ALX1: variants seen among roughly 807,000 people sequenced by gnomAD.
ALX1 encodes ALX homeobox 1.
ALX1 carries 19 observed loss-of-function variants against 31.7 expected under a neutral mutation model. The ratio of observed to expected loss-of-function variants is 0.60; its 90% CI spans 0.42 to 0.88. The LOEUF (loss-of-function observed/expected upper bound fraction) is 0.88, where lower values mean the gene tolerates loss of function less well. Among genes scored for constraint, ALX1 ranks in the 40% least tolerant of loss-of-function variants. ALX1 has a pLI of 0.00. For synonymous variants in ALX1, 153 were observed against 148.8 expected (o/e 1.03, Z -0.20); for missense variants, 415 against 407.8 (o/e 1.02, Z -0.15).
chr12:85,297,004 C>T (rs1319056176), intron 3 of ALX1, among the ~76,000 whole-genome samples: 16 of 151,406 alleles, frequency 1.1e-4, no homozygotes, highest in Admixed American at 1.1e-3. Context: ...TCCCAGTTGA[C>T]AAAAAAGTAA....
intron 3 of ALX1, among the ~76,000 whole-genome samples, chr12:85,300,499 GT>G (rs1896949030): frequency 6.6e-6 from 1 of 151,958 alleles, no homozygotes; most frequent in Non-Finnish European, 1.5e-5. Context: ...CATGTCACAT[GT>G]CTGTTTCAAA....
intron 1 of ALX1, among the ~76,000 whole-genome samples, chr12:85,281,488 TACA>T: frequency 6.6e-6 from 1 of 152,314 alleles, no homozygotes. Context: ...GTGAAATATT[TACA>T]ACAAGCCCCC....
intron 1 of ALX1, among the ~76,000 whole-genome samples, chr12:85,282,684 C>T (rs1896692392): frequency 6.6e-6 from 1 of 152,046 alleles, no homozygotes; most frequent in East Asian, 1.9e-4. Context: ...TGTTTTATAT[C>T]ACACTGCAAG....
At position 85,283,628 on chromosome 12, in the gene ALX1, G is replaced by A. The variant is rs1896708697; in HGVS notation, c.283G>A (p.Ala95Thr). Residue 95 changes from alanine to threonine, a missense_variant, in exon 2 of 4, where the codon GCT becomes ACT. Coordinates refer to ENST00000316824, the MANE Select transcript of ALX1 (RefSeq NM_006982.3). ...GQPLHTELNR[A>T]MDNCNSLRMS... ...GCCCCTTCACACCGAACTGAATAGA[G>A]CTATGGACAACTGTAACAGTCTCCG... 6.2e-7 allele frequency: 1 copy of A among 1,614,016 alleles called. No homozygotes were observed. The highest frequency in any genetic ancestry group is 1.7e-5 in the Admixed American group (1 of 59,992).
chr12:85,288,082 T>A (rs2137381711), intron 3 of ALX1, among the ~76,000 whole-genome samples: 1 of 151,586 alleles, frequency 6.6e-6, no homozygotes, highest in South Asian at 2.1e-4. Flanking sequence ...CCCCCAAATT[T>A]ATTAATATAA....
intron 3 of ALX1, among the ~76,000 whole-genome samples, chr12:85,299,952 T>G (rs1210423361): frequency 6.6e-6 from 1 of 152,010 alleles, no homozygotes; most frequent in African/African-American, 2.4e-5. Flanking sequence ...GATTAACATG[T>G]GTATTGCTGC....
chr12:85,291,366 C>A (rs1018935177), intron 3 of ALX1, among the ~76,000 whole-genome samples: 7 of 151,118 alleles, frequency 4.6e-5, no homozygotes, highest in Non-Finnish European at 8.9e-5. Flanking sequence ...CTTCTTGGTG[C>A]AAACTAGGCC....
intron 2 of ALX1, 30 bp from the exon 3 acceptor site, chr12:85,286,823 C>T (rs900348786): frequency 2.0e-6 from 3 of 1,527,508 alleles, no homozygotes; most frequent in Non-Finnish European, 1.8e-6. Context: ...TATTCCTTAG[C>T]TAAAATTCTA....
chr12:85,295,251 T>A lies in ALX1; in HGVS notation c.661-5904T>A, dbSNP rs1002029671. On this transcript the variant is annotated intron_variant, in intron 3 of 3. Coordinates refer to ENST00000316824, the MANE Select transcript of ALX1 (RefSeq NM_006982.3). ...TTTCTCCCTGCCAGCAACTTACTGATGTAGTAAATAGAAAAGTTAATGGGA... is the reference window on the plus strand; with the variant it reads ...TTTCTCCCTGCCAGCAACTTACTGAAGTAGTAAATAGAAAAGTTAATGGGA... Among the ~76,000 whole-genome samples the A allele has an allele frequency of 3.3e-4, 50 of 151,448 alleles. 1 individual carries two copies. Among genetic ancestry groups the A allele is most frequent in the Admixed American group, 6.6e-5 (1 of 15,100 alleles).
chr12:85,297,956 T>C (rs1462445622), intron 3 of ALX1, among the ~76,000 whole-genome samples: 1 of 151,672 alleles, frequency 6.6e-6, no homozygotes, highest in Non-Finnish European at 1.5e-5. Context: ...AAAATTTTGA[T>C]TATATCTGCA....
At chr12:85,291,847 A>G (rs957214008) in intron 3 of ALX1, among the ~76,000 whole-genome samples, 1 of 151,078 alleles carries the variant, frequency 6.6e-6, no homozygotes, top group African/African-American at 2.4e-5. Context: ...GAAGAGGGCC[A>G]GGGGTTAACA....
chr12:85,300,095 T>A (rs1010950548), intron 3 of ALX1, among the ~76,000 whole-genome samples: 4 of 152,112 alleles, frequency 2.6e-5, no homozygotes, highest in African/African-American at 9.6e-5. Context: ...GCTCCTGCCA[T>A]TTGTCATGAT....
intron 2 of ALX1, among the ~76,000 whole-genome samples, chr12:85,284,756 G>A (rs1356674632): frequency 1.3e-5 from 2 of 152,030 alleles, no homozygotes; most frequent in Non-Finnish European, 2.9e-5. Context: ...AGTTTAAAAT[G>A]CAACAATAAT....
At position 85,280,352 on chromosome 12, in the gene ALX1, G is replaced by A. The variant is rs748403633; in HGVS notation, c.91G>A (p.Val31Ile). 1.2e-6 allele frequency: 2 copies of A among 1,613,818 alleles called. No homozygotes were observed. The highest frequency in any genetic ancestry group is 1.3e-5 in the African/African-American group (1 of 74,924). Residue 31 changes from valine (V) to isoleucine (I), a missense_variant, in exon 1 of 4, where the codon GTT (valine) becomes ATT (isoleucine). Physicochemically the swap from Val to Ile is conservative, Grantham distance 29. Around this residue, in one of 3 missense-constraint regions of ALX1, gnomAD observed 235 missense variants for 208.9 expected, o/e 1.13. Transcript: ENST00000316824. ...YMGAGGPLEH[V>I]METLDNESFY... The stretch of plus-strand genomic sequence containing the variant: ...GGGCGCAGGAGGTCCTCTGGAGCAC[G>A]TTATGGAGACGCTGGACAATGAGTC...
rs1355816853 is a variant in ALX1 at position 85,301,235 on chromosome 12, C to T, written c.741C>T (p.Ser247=). 2.5e-6 allele frequency: 4 copies of T among 1,614,048 alleles called. No homozygotes were observed. The highest frequency in any genetic ancestry group is 3.4e-6 in the Non-Finnish European group (4 of 1,179,956). ...TSCMLPRDTS[S]CMTPYSHSPR... is the part of the protein sequence containing the mutation. ...GCATGTTACCACGTGACACTTCCTC[C>T]TGTATGACACCTTATTCTCACTCGC... The change falls in exon 4 of 4, where the codon TCC becomes TCT. Residue 247 remains serine, a synonymous_variant. Transcript: ENST00000316824.
chr12:85,294,513 A>G (rs972453882), intron 3 of ALX1, among the ~76,000 whole-genome samples: 2 of 151,196 alleles, frequency 1.3e-5, no homozygotes, highest in African/African-American at 4.8e-5. Flanking sequence ...GTCACTTAAT[A>G]TAGAATTTAA....
At chr12:85,295,661 C>A (rs571717885) in intron 3 of ALX1, among the ~76,000 whole-genome samples, 1 of 151,482 alleles carries the variant, frequency 6.6e-6, no homozygotes, top group East Asian at 1.9e-4. Flanking sequence ...TCCTTTAATT[C>A]CCACAGGAAA....
intron 1 of ALX1, among the ~76,000 whole-genome samples, chr12:85,281,381 C>T (rs1222213466): frequency 6.6e-6 from 1 of 152,158 alleles, no homozygotes; most frequent in Non-Finnish European, 1.5e-5. Context: ...AGCTAAAGCA[C>T]GTTTACAATT....
chr12:85,285,164 C>T (rs1896733199), intron 2 of ALX1, among the ~76,000 whole-genome samples: 1 of 152,004 alleles, frequency 6.6e-6, no homozygotes, highest in African/African-American at 2.4e-5. Context: ...AATATGTTTG[C>T]ACACAGAGTG....
Sources: gnomAD v4.1 joint callset for allele counts (sites outside exome capture counted in the v4.1 genomes callset) on GRCh38, gnomAD v4.1.1 for gene constraint, gnomAD v4.1.1 regional missense constraint, MANE v1.5 for transcripts, NCBI Gene and HGNC (gene_info 2026-07-23, HGNC 2026-07-21) for gene names.